ASIC2: variants seen among roughly 807,000 people sequenced by gnomAD.
ASIC2 encodes acid-sensing ion channel 2.
A neutral mutation model predicts 57.3 loss-of-function variants in ASIC2; 25 were observed. The observed-to-expected ratio is 0.44, with a 90% CI of 0.32 to 0.61. ASIC2 has a LOEUF of 0.61. Ranked by LOEUF, ASIC2 falls within the 20% of genes least tolerant of loss-of-function variation. ASIC2 has a pLI of 0.06. For synonymous variants in ASIC2, 319 were observed against 307.5 expected, an observed-to-expected ratio of 1.04 and a Z score of -0.39; for missense variants, 641 against 738.1, an observed-to-expected ratio of 0.87 and a Z score of 1.52.
intron 1 of ASIC2, among the ~76,000 whole-genome samples, chr17:34,074,824 C>G (rs2142072088): frequency 6.7e-6 from 1 of 148,500 alleles, no homozygotes; most frequent in Middle Eastern, 3.5e-3. Flanking sequence ...CTCCCTCAGC[C>G]ACCCAGGCTG....
intron 1 of ASIC2, among the ~76,000 whole-genome samples, chr17:33,801,726 C>T (rs1912138644): frequency 1.3e-5 from 2 of 152,166 alleles, no homozygotes. Flanking sequence ...CTTCAATGTC[C>T]AATATGATAG....
At chr17:34,097,901 T>C (rs1442405642) in intron 1 of ASIC2, among the ~76,000 whole-genome samples, 2 of 152,094 alleles carry the variant, frequency 1.3e-5, no homozygotes, top group African/African-American at 4.8e-5. Context: ...ACTCCACCAA[T>C]ATGTGGTGGA....
intron 2 of ASIC2, among the ~76,000 whole-genome samples, chr17:33,093,266 C>T (rs761445217): frequency 5.3e-4 from 81 of 152,122 alleles, no homozygotes; most frequent in Non-Finnish European, 8.1e-4. Context: ...TGTGTGACCG[C>T]CCTGATAGTA....
chr17:33,638,762 C>G (rs1906455752), intron 1 of ASIC2, among the ~76,000 whole-genome samples: 1 of 151,700 alleles, frequency 6.6e-6, no homozygotes, highest in South Asian at 2.1e-4. Context: ...ATTTTTTTTT[C>G]CTGGCAGCCC....
intron 1 of ASIC2, among the ~76,000 whole-genome samples, chr17:33,500,749 C>A (rs1281805323): frequency 1.3e-5 from 2 of 152,184 alleles, no homozygotes; most frequent in Non-Finnish European, 2.9e-5. Flanking sequence ...AAGGATTATA[C>A]CTTTTAATGG....
chr17:33,655,345 T>C (rs1420473916), intron 1 of ASIC2, among the ~76,000 whole-genome samples: 2 of 152,222 alleles, frequency 1.3e-5, no homozygotes, highest in Non-Finnish European at 2.9e-5. Context: ...CCCACCAGTT[T>C]CTCAATTCCT....
chr17:33,579,437 G>A (rs1319381091), intron 1 of ASIC2, among the ~76,000 whole-genome samples: 3 of 152,052 alleles, frequency 2.0e-5, no homozygotes, highest in Admixed American at 1.3e-4. Flanking sequence ...ATAGACTAGG[G>A]CTGCGGGGTA....
intron 1 of ASIC2, among the ~76,000 whole-genome samples, chr17:33,943,511 A>C (rs906373631): frequency 6.6e-6 from 1 of 152,154 alleles, no homozygotes; most frequent in Non-Finnish European, 1.5e-5. Context: ...GAGCAGGTGC[A>C]AGTACCTCTG....
intron 1 of ASIC2, chr17:34,038,869 T>C: frequency 6.2e-7 from 1 of 1,612,602 alleles, no homozygotes; most frequent in East Asian, 2.2e-5. Context: ...GTTGTCTTTC[T>C]ATCTCTTCCC....
rs191085658 is a variant in ASIC2, at chr17:33,330,619, C to G, written c.556-218552G>C. Among the ~76,000 whole-genome samples the G allele has an allele frequency of 5.9e-5, 9 of 152,310 alleles. No homozygotes were observed. In the South Asian group the frequency reaches 1.9e-3, roughly 32 times the overall value. On this transcript the variant is annotated intron_variant, in intron 1 of 9. Transcript: ENST00000359872. The stretch of plus-strand genomic sequence containing the variant: ...AAGCCAGCATTCAGACCTGTCTCTA[C>G]GACTCTAAGTCCATGCTCTTTCTAA...
At chr17:33,995,849 T>C (rs1274951153) in intron 1 of ASIC2, among the ~76,000 whole-genome samples, 1 of 152,200 alleles carries the variant, frequency 6.6e-6, no homozygotes, top group Admixed American at 6.5e-5. Flanking sequence ...ACAGATTTTA[T>C]TTACCTATTT....
intron 1 of ASIC2, among the ~76,000 whole-genome samples, chr17:33,995,968 G>A (rs1906146982): frequency 6.6e-6 from 1 of 152,138 alleles, no homozygotes. Flanking sequence ...CCCACCAACA[G>A]CGTACAAGGG....
intron 1 of ASIC2, among the ~76,000 whole-genome samples, chr17:33,774,149 C>T (rs1047319727): frequency 3.3e-5 from 5 of 152,178 alleles, no homozygotes; most frequent in Non-Finnish European, 5.9e-5. Context: ...ATTTCTTCCC[C>T]TGCATCAGGA....
chr17:33,523,786 T>TACTC (rs1914810792), intron 1 of ASIC2, among the ~76,000 whole-genome samples: 1 of 152,200 alleles, frequency 6.6e-6, no homozygotes. Flanking sequence ...ACTAGTCATC[T>TACTC]ACTCACGGCT....
At chr17:33,445,628 T>C (rs545575208) in intron 1 of ASIC2, among the ~76,000 whole-genome samples, 5 of 151,490 alleles carry the variant, frequency 3.3e-5, no homozygotes, top group African/African-American at 4.9e-5. Context: ...AGAAACCCCA[T>C]CTCTACTAAA....
At chr17:34,043,989 C>G (rs1022017125) in intron 1 of ASIC2, among the ~76,000 whole-genome samples, 1 of 152,134 alleles carries the variant, frequency 6.6e-6, no homozygotes, top group Non-Finnish European at 1.5e-5. Context: ...CTTTACTATT[C>G]CAAAGGCATG....
At chr17:33,651,830 CAG>C (rs1382517364) in intron 1 of ASIC2, among the ~76,000 whole-genome samples, 2 of 152,204 alleles carry the variant, frequency 1.3e-5, no homozygotes, top group Non-Finnish European at 1.5e-5. Context: ...AATCAGACAT[CAG>C]AGAAATAAAA....
chr17:33,167,678 C>G (rs1905353386), intron 1 of ASIC2, among the ~76,000 whole-genome samples: 1 of 152,156 alleles, frequency 6.6e-6, no homozygotes, highest in African/African-American at 2.4e-5. Context: ...GGTCTTAACC[C>G]AATAGTGCGA....
intron 1 of ASIC2, among the ~76,000 whole-genome samples, chr17:34,028,780 T>C (rs1343597668): frequency 6.6e-6 from 1 of 152,172 alleles, no homozygotes; most frequent in East Asian, 1.9e-4. Context: ...CCTGCTCCTC[T>C]CACTGTTGCT....
Sources: gnomAD v4.1 joint callset for allele counts (sites outside exome capture counted in the v4.1 genomes callset) on GRCh38, gnomAD v4.1.1 for gene constraint, MANE v1.5 for transcripts, NCBI Gene and HGNC (gene_info 2026-07-23, HGNC 2026-07-21) for gene names.